The following SLC7A14 variants were observed in gnomAD, a reference collection of about 807,000 sequenced individuals.
The protein encoded by SLC7A14 is gamma-aminobutyric acid transporter SLC7A14.
A neutral mutation model predicts 60.2 loss-of-function variants in SLC7A14; 37 were observed. The observed-to-expected ratio is 0.61, with a 90% confidence interval of 0.47 to 0.81. The LOEUF (loss-of-function observed/expected upper bound fraction) is 0.81, where lower values mean the gene tolerates loss of function less well. Among genes scored for constraint, SLC7A14 ranks in the 30% least tolerant of loss-of-function variants. The probability of loss-of-function intolerance (pLI) is 0.00; values close to 1 mark genes in which losing one functional copy is unlikely to be tolerated. For synonymous variants in SLC7A14, 399 were observed against 395.8 expected, an observed-to-expected ratio of 1.01 and a Z score of -0.10; for missense variants, 886 against 982.7, an observed-to-expected ratio of 0.90 and a Z score of 1.32.
At chr3:170,487,396 A>G (rs1712069699) in intron 4 of SLC7A14, among the ~76,000 whole-genome samples, 1 of 151,740 alleles carries the variant, frequency 6.6e-6, no homozygotes, top group Non-Finnish European at 1.5e-5. Flanking sequence ...GGTGAGAGAT[A>G]TTTTTGGACT....
At chr3:170,482,690 C>G (rs1341010351) in intron 6 of SLC7A14, among the ~76,000 whole-genome samples, 1 of 152,178 alleles carries the variant, frequency 6.6e-6, no homozygotes, top group African/African-American at 2.4e-5. Context: ...GGATCAAATC[C>G]TGACCTGCCA....
intron 1 of SLC7A14, among the ~76,000 whole-genome samples, chr3:170,570,808 T>C (rs1714929878): frequency 6.6e-6 from 1 of 152,170 alleles, no homozygotes; most frequent in African/African-American, 2.4e-5. Context: ...TGTCATTTCT[T>C]TTCTCTTTTT....
chr3:170,470,308 ATGTGTGTGTGTGTG>A (rs60682275), intron 7 of SLC7A14, among the ~76,000 whole-genome samples: 1 of 143,594 alleles, frequency 7.0e-6, no homozygotes, highest in African/African-American at 2.6e-5. Context: ...TGGAAGGAAC[ATGTGTGTGTGTGTG>A]TGTGTGTGTG....
intron 1 of SLC7A14, among the ~76,000 whole-genome samples, chr3:170,569,143 A>G (rs1482626783): frequency 5.5e-4 from 84 of 152,168 alleles, no homozygotes; most frequent in African/African-American, 1.8e-3. Flanking sequence ...TATTGGCTGT[A>G]GGTTTGTCAT....
Position 170,459,741 on chromosome 3 carries a change from T to C in SLC7A14, c.*7314A>G, listed in dbSNP as rs1739556197. The C allele has an allele frequency of 6.6e-6, 1 of 152,212 alleles. No individual in the cohort carries two copies. 9.4% of individuals were successfully genotyped at this position (152,212 alleles called of 1,614,324 possible). A position where few individuals can be genotyped will look rare whatever the true frequency, so the allele number is the denominator to read the frequency against. ...TAAGAATGGAAAAAAAGTAACAGACTTCAGATACTGGTTAAGGTTAACAAA... is the reference window on the plus strand; with the variant it reads ...TAAGAATGGAAAAAAAGTAACAGACCTCAGATACTGGTTAAGGTTAACAAA... On this transcript the variant is annotated 3_prime_UTR_variant, in exon 8 of 8. Transcript: ENST00000231706.
chr3:170,578,239 C>T (rs1221408602), intron 1 of SLC7A14, among the ~76,000 whole-genome samples: 2 of 152,236 alleles, frequency 1.3e-5, no homozygotes, highest in Non-Finnish European at 2.9e-5. Flanking sequence ...ACCTGCACAG[C>T]ACCAACATTC....
intron 1 of SLC7A14, among the ~76,000 whole-genome samples, chr3:170,541,928 A>G (rs1004401356): frequency 1.3e-5 from 2 of 152,230 alleles, no homozygotes; most frequent in African/African-American, 4.8e-5. Context: ...AATAACGTGC[A>G]TGCTCCTGTT....
At chr3:170,567,487 G>A (rs1015616740) in intron 1 of SLC7A14, among the ~76,000 whole-genome samples, 2 of 151,854 alleles carry the variant, frequency 1.3e-5, no homozygotes, top group African/African-American at 2.4e-5. Context: ...ATGTGTCTTT[G>A]TAGCAGCATG....
intron 5 of SLC7A14, among the ~76,000 whole-genome samples, chr3:170,485,556 A>G (rs1372638062): frequency 2.0e-5 from 3 of 152,114 alleles, no homozygotes; most frequent in Non-Finnish European, 4.4e-5. Context: ...TGTGATAGAA[A>G]TTCTGGGATG....
At chr3:170,560,219 G>T (rs1348555913) in intron 1 of SLC7A14, among the ~76,000 whole-genome samples, 1 of 152,262 alleles carries the variant, frequency 6.6e-6, no homozygotes, top group Admixed American at 6.5e-5. Flanking sequence ...TCTGTCAGCA[G>T]AGTGGTAAGT....
Position 170,465,183 on chromosome 3 carries a change from T to C in SLC7A14, c.*1872A>G, listed in dbSNP as rs1371165560. ...ATAAAAAATATCTAGAAAATTGCAG[T>C]TATTTTAGTTTAATGGTATACATTG... On this transcript the variant is annotated 3_prime_UTR_variant, in exon 8 of 8. Transcript: ENST00000231706. 1 of 152,206 alleles carries C rather than the reference T, an allele frequency of 6.6e-6. No homozygotes were observed. Among genetic ancestry groups the C allele is most frequent in the Non-Finnish European group, 1.5e-5 (1 of 68,040 alleles). 9.4% of individuals were successfully genotyped at this position (152,206 alleles called of 1,614,324 possible). A position where few individuals can be genotyped will look rare whatever the true frequency, so the allele number is the denominator to read the frequency against.
chr3:170,574,265 T>C (rs1715029203), intron 1 of SLC7A14, among the ~76,000 whole-genome samples: 1 of 152,230 alleles, frequency 6.6e-6, no homozygotes, highest in African/African-American at 2.4e-5. Context: ...AAAAAGTCTT[T>C]TATCAATGTG....
At chr3:170,496,649 T>C (rs1485456757) in intron 4 of SLC7A14, 1 of 1,358,996 alleles carries the variant, frequency 7.4e-7, no homozygotes, top group South Asian at 1.2e-5. Flanking sequence ...GAGTCTGGGA[T>C]GCAGAACACG....
At chr3:170,467,481 GGGGGCGGT>G in intron 7 of SLC7A14, 104 bp from the exon 8 acceptor site, 1 of 648,288 alleles carries the variant, frequency 1.5e-6, no homozygotes, top group Non-Finnish European at 2.3e-6. Context: ...TGGCGGGGTG[GGGGGCGGT>G]GGGGGCGGGG....
At chr3:170,478,035 G>C (rs922533778) in intron 7 of SLC7A14, among the ~76,000 whole-genome samples, 8 of 152,124 alleles carry the variant, frequency 5.3e-5, no homozygotes, top group African/African-American at 1.9e-4. Flanking sequence ...AATGTTTAGA[G>C]ATAAGAGATT....
chr3:170,492,779 C>A (rs1712262157), intron 4 of SLC7A14, among the ~76,000 whole-genome samples: 1 of 152,182 alleles, frequency 6.6e-6, no homozygotes, highest in Non-Finnish European at 1.5e-5. Flanking sequence ...GATGAGGCAG[C>A]CTTCACACAT....
intron 1 of SLC7A14, among the ~76,000 whole-genome samples, chr3:170,551,368 G>A (rs945323329): frequency 6.6e-6 from 1 of 152,160 alleles, no homozygotes; most frequent in Non-Finnish European, 1.5e-5. Flanking sequence ...GAGCATTCGT[G>A]TACAGATTTT....
chr3:170,521,640 A>G (rs1345696201), intron 2 of SLC7A14, among the ~76,000 whole-genome samples: 1 of 152,206 alleles, frequency 6.6e-6, no homozygotes, highest in Admixed American at 6.5e-5. Flanking sequence ...AAATGGGCAA[A>G]AGGGCTAGGC....
At chr3:170,483,194 G>T in intron 6 of SLC7A14, 120 bp downstream of exon 6, 1 of 1,167,614 alleles carries the variant, frequency 8.6e-7, no homozygotes, top group Non-Finnish European at 1.2e-6. Context: ...TACATAACAA[G>T]GTCCACAGTC....
Sources: gnomAD v4.1 joint callset for allele counts (sites outside exome capture counted in the v4.1 genomes callset) on GRCh38, gnomAD v4.1.1 for gene constraint, MANE v1.5 for transcripts, NCBI Gene and HGNC (gene_info 2026-07-23, HGNC 2026-07-21) for gene names.